Variants in FAT1 observed in about 807,000 individuals in gnomAD.
The protein encoded by FAT1 is FAT atypical cadherin 1, also known as protocadherin Fat 1.
In FAT1, 171 loss-of-function variants were observed where a neutral mutation model predicts 329.8. The observed-to-expected ratio is 0.52, with a 90% CI of 0.46 to 0.59. The LOEUF (loss-of-function observed/expected upper bound fraction) is 0.59, where lower values mean the gene tolerates loss of function less well. Among genes scored for constraint, FAT1 ranks in the 20% least tolerant of loss-of-function variants. The pLI is 0.00. For synonymous variants in FAT1, 2,233 were observed against 2,228.6 expected, an observed-to-expected ratio of 1.00 and a Z score of -0.06; for missense variants, 5,672 against 5,774.4, an observed-to-expected ratio of 0.98 and a Z score of 0.57.
intron 1 of FAT1, among the ~76,000 whole-genome samples, chr4:186,714,539 G>A (rs553341566): frequency 1.5e-4 from 23 of 152,090 alleles, no homozygotes; most frequent in East Asian, 1.2e-3. Flanking sequence ...TATGAAAGAC[G>A]GTATTTAAAA....
chr4:186,663,068 C>T (rs1742257199), intron 3 of FAT1, among the ~76,000 whole-genome samples: 1 of 152,180 alleles, frequency 6.6e-6, no homozygotes, highest in Non-Finnish European at 1.5e-5. Context: ...GATCTCCTGA[C>T]CTCGTGATCT....
In FAT1 at chr4:186,619,422, T is replaced by G; in HGVS notation, c.7164A>C (p.Pro2388=). The part of the protein sequence containing the change: ...VDVTDLNDNP[P]LFEQQIYEAR... ...CTTCATAAATCTGTTGTTCAAAGAG[T>G]GGTGGATTATCATTGAGGTCGGTAA... The change falls in exon 10 of 27, where the codon CCA becomes CCC. Residue 2388 remains proline (P), a synonymous_variant. Coordinates refer to ENST00000441802, the MANE Select transcript of FAT1 (RefSeq NM_005245.4). The G allele has an allele frequency of 6.2e-7, 1 of 1,613,366 alleles. No homozygotes were observed. Among genetic ancestry groups the G allele is most frequent in the Non-Finnish European group, 8.5e-7 (1 of 1,179,716 alleles).
chr4:186,708,269 C>T lies in FAT1; in HGVS notation c.1559G>A (p.Ser520Asn), dbSNP rs769346214. 6.2e-7 allele frequency: 1 copy of T among 1,613,986 alleles called. No individual in the cohort carries two copies. Among genetic ancestry groups the T allele is most frequent in the Non-Finnish European group, 8.5e-7 (1 of 1,179,904 alleles). The change falls in exon 2 of 27, where the codon AGT (serine) becomes AAT (asparagine). Residue 520 changes from serine (S) to asparagine (N), a missense_variant. Transcript: ENST00000441802. The stretch of plus-strand genomic sequence containing the variant: ...TTCGTAGTCCAGGTTTTCTGACGTA[C>T]TCACGGCACCAGTGAAATGGTCAAT... ...FAIDHFTGAVSTSENLDYELM... is the reference protein window; with the variant it reads ...FAIDHFTGAVNTSENLDYELM...
At position 186,617,668 on chromosome 4, in the gene FAT1, T is replaced by C. The variant is rs1032864233; in HGVS notation, c.8878+40A>G. On this transcript the variant is annotated intron_variant, in intron 10 of 26. Coordinates refer to ENST00000441802, the MANE Select transcript of FAT1 (RefSeq NM_005245.4). ...TTATACTTTATGCTTCTAAAAATCA[T>C]TTTAAATTAATTAAACCGTTTGGTA... is the stretch of plus-strand genomic sequence containing the variant. 11 of 1,478,604 alleles carry C rather than the reference T, an allele frequency of 7.4e-6. No homozygotes were observed. The Admixed American group carries it at 8.8e-5, about 12-fold the overall frequency. The allele number at this position is 1,478,604 out of a possible 1,614,324, so 91.6% of individuals were successfully genotyped here.
intron 2 of FAT1, among the ~76,000 whole-genome samples, chr4:186,702,482 G>A (rs1452150999): frequency 6.6e-6 from 1 of 152,156 alleles, no homozygotes; most frequent in Non-Finnish European, 1.5e-5. Flanking sequence ...ACTCTAGACT[G>A]AAGGTCAAAC....
intron 26 of FAT1, chr4:186,590,582 C>T (rs1259611560): frequency 4.3e-6 from 2 of 460,458 alleles, no homozygotes; most frequent in African/African-American, 4.0e-5. Flanking sequence ...ATGTATGTAC[C>T]ACAAATAAAA....
chr4:186,635,889 G>A, intron 6 of FAT1, 136 bp downstream of exon 6: 1 of 745,352 alleles, frequency 1.3e-6, no homozygotes, highest in Non-Finnish European at 2.2e-6. Context: ...AAATATTATA[G>A]TTGAAAGCAA....
intron 26 of FAT1, among the ~76,000 whole-genome samples, chr4:186,592,085 G>C (rs923519783): frequency 1.3e-5 from 2 of 152,134 alleles, no homozygotes; most frequent in African/African-American, 4.8e-5. Context: ...ATTACAGTTT[G>C]AAAAGTACTA....
intron 11 of FAT1, among the ~76,000 whole-genome samples, chr4:186,614,546 C>T (rs537829262): frequency 1.6e-4 from 25 of 152,266 alleles, no homozygotes; most frequent in African/African-American, 6.0e-4. Flanking sequence ...CGTGGAGCAG[C>T]CACCAGCTCC....
rs759380896 is a variant in FAT1, at chr4:186,639,803, C to A, written c.3581-20G>T. 53 of 1,588,222 alleles carry A rather than the reference C, an allele frequency of 3.3e-5. No homozygotes were observed. The highest frequency in any genetic ancestry group is 4.5e-5 in the Non-Finnish European group (52 of 1,160,948). On this transcript the variant is annotated intron_variant, in intron 3 of 26. Transcript: ENST00000441802. ...TGAGACCTGTAAAATGATAACAGTT[C>A]ATTAATCCTCACAAAATAAGGTCAA... is the stretch of plus-strand genomic sequence containing the variant.
At chr4:186,590,574 G>GT (rs1360483981) in intron 26 of FAT1, 1 of 460,948 alleles carries the variant, frequency 2.2e-6, no homozygotes, top group Middle Eastern at 3.2e-4. Context: ...GCTGAGAAAT[G>GT]TATGTACCAC....
At chr4:186,597,819 A>C (rs753411930) in intron 23 of FAT1, 27 bp from the exon 24 acceptor site, 1 of 1,596,128 alleles carries the variant, frequency 6.3e-7, no homozygotes, top group Non-Finnish European at 8.6e-7. Flanking sequence ...AACAGACATA[A>C]ACCTCATGAT....
rs2126437784 is a variant in FAT1, at chr4:186,604,372, C to T, written c.10548+5G>A. ...CAACCAAACCACAAAGAAAGCCATT[C>T]ATACCTTCACCTGCAGTAAGTAATG... On this transcript the variant is annotated splice_donor_5th_base_variant and intron_variant, in intron 18 of 26. Coordinates refer to ENST00000441802, the MANE Select transcript of FAT1 (RefSeq NM_005245.4). 1 of 1,609,340 alleles carries T rather than the reference C, an allele frequency of 6.2e-7. No homozygotes were observed. Among genetic ancestry groups the T allele is most frequent in the East Asian group, 2.2e-5 (1 of 44,838 alleles).
In FAT1 at chr4:186,599,895, C is replaced by T; in HGVS notation, c.12103+3G>A. 6.2e-7 allele frequency: 1 copy of T among 1,605,122 alleles called. No homozygotes were observed. Among genetic ancestry groups the T allele is most frequent in the South Asian group, 1.1e-5 (1 of 90,570 alleles). On this transcript the variant is annotated splice_donor_region_variant and intron_variant, in intron 22 of 26. Transcript: ENST00000441802. ...TTAAAGATGGCAACATTACGGAGCC[C>T]ACCTCCAGCAGGTGACGGATTGCAA...
intron 3 of FAT1, among the ~76,000 whole-genome samples, chr4:186,646,885 C>T (rs866275532): frequency 6.6e-5 from 10 of 152,172 alleles, no homozygotes; most frequent in African/African-American, 2.2e-4. Context: ...CACCTGAACA[C>T]GTACCAATCA....
Position 186,611,653 on chromosome 4 carries a change from T to C in FAT1, c.9586A>G (p.Thr3196Ala), listed in dbSNP as rs1182428779. 1.2e-6 allele frequency: 2 copies of C among 1,612,794 alleles called. No homozygotes were observed. The highest frequency in any genetic ancestry group is 2.7e-5 in the African/African-American group (2 of 74,840). ...PLDRELQAVY[T>A]LSLKAVDQGL... ...TGATCCACAGCTTTCAAAGAGAGGG[T>C]GTATACTGCCTGGAGTTCTCTGTCC... Residue 3196 changes from threonine (T) to alanine (A), a missense_variant, in exon 14 of 27, where the codon ACC becomes GCC. This residue lies in a region of FAT1 where 1,706 missense variants were observed against 1,859.1 expected (regional missense o/e 0.92). Transcript: ENST00000441802.
intron 3 of FAT1, among the ~76,000 whole-genome samples, chr4:186,658,453 A>G (rs979730554): frequency 1.3e-5 from 2 of 152,198 alleles, no homozygotes; most frequent in African/African-American, 2.4e-5. Flanking sequence ...ACTATGACAA[A>G]AGGGGAAGGA....
chr4:186,614,162 A>G, intron 12 of FAT1, 29 bp downstream of exon 12: 2 of 1,568,600 alleles, frequency 1.3e-6, no homozygotes, highest in Non-Finnish European at 1.7e-6. Flanking sequence ...GGAATATACA[A>G]TTTATTTTGT....
Position 186,709,143 on chromosome 4 carries a change from T to C in FAT1, c.685A>G (p.Met229Val), listed in dbSNP as rs2126701872. The change falls in exon 2 of 27, where the codon ATG becomes GTG. Residue 229 changes from methionine to valine, a missense_variant. By Grantham distance (21) the Met-to-Val change is conservative. Transcript: ENST00000441802. ...EMEILAADRG[M>V]KLYGSSGISS... ...ATGCCACTGCTCCCATACAACTTCATGCCACGGTCCGCAGCGAGGATTTCC... is the reference window on the plus strand; with the variant it reads ...ATGCCACTGCTCCCATACAACTTCACGCCACGGTCCGCAGCGAGGATTTCC... The C allele has an allele frequency of 6.2e-7, 1 of 1,614,012 alleles. No individual in the cohort carries two copies. The highest frequency in any genetic ancestry group is 8.5e-7 in the Non-Finnish European group (1 of 1,179,894).
Sources: gnomAD v4.1 joint callset for allele counts (sites outside exome capture counted in the v4.1 genomes callset) on GRCh38, gnomAD v4.1.1 for gene constraint, gnomAD v4.1.1 regional missense constraint, MANE v1.5 for transcripts, NCBI Gene and HGNC (gene_info 2026-07-23, HGNC 2026-07-21) for gene names.